NTM: variants seen among roughly 807,000 people sequenced by gnomAD.
NTM encodes the protein IgLON family member 2.
NTM carries 13 observed loss-of-function variants against 42.1 expected under a neutral mutation model. That is an observed-to-expected ratio of 0.31 (90% CI 0.20 to 0.49). The LOEUF (loss-of-function observed/expected upper bound fraction) is 0.49. Among genes scored for constraint, NTM ranks in the 20% least tolerant of loss-of-function variants. The pLI is 0.99. For synonymous variants in NTM, 187 were observed against 179.2 expected (o/e 1.04, Z -0.35); for missense variants, 373 against 452.8 (o/e 0.82, Z 1.60).
intron 1 of NTM, among the ~76,000 whole-genome samples, chr11:131,673,301 A>C (rs2134674554): frequency 6.6e-6 from 1 of 152,254 alleles, no homozygotes; most frequent in East Asian, 1.9e-4. Context: ...GAGGTTGACC[A>C]GTCCATTTCC....
chr11:131,838,099 T>C (rs57622769), intron 1 of NTM, among the ~76,000 whole-genome samples: 4 of 152,196 alleles, frequency 2.6e-5, no homozygotes, highest in East Asian at 1.9e-4. Flanking sequence ...CAAACAGAGA[T>C]TGGATTTTTT....
intron 1 of NTM, among the ~76,000 whole-genome samples, chr11:131,825,055 G>T (rs1277127354): frequency 6.6e-6 from 1 of 152,148 alleles, no homozygotes; most frequent in Non-Finnish European, 1.5e-5. Context: ...CACAGTGTTG[G>T]CAGGGTGGTT....
At chr11:132,241,459 C>A (rs1206098543) in intron 4 of NTM, among the ~76,000 whole-genome samples, 1 of 152,126 alleles carries the variant, frequency 6.6e-6, no homozygotes, top group Non-Finnish European at 1.5e-5. Context: ...TCATCCCCCC[C>A]AGCAATACAA....
chr11:132,048,027 T>C (rs990544868), intron 2 of NTM, among the ~76,000 whole-genome samples: 1 of 152,086 alleles, frequency 6.6e-6, no homozygotes, highest in African/African-American at 2.4e-5. Context: ...TAGCTGAGTA[T>C]GTCTGCGTGT....
chr11:131,511,020 CCT>C (rs1452498284), intron 1 of NTM, among the ~76,000 whole-genome samples: 1 of 152,044 alleles, frequency 6.6e-6, no homozygotes, highest in Non-Finnish European at 1.5e-5. Flanking sequence ...AGGAAGTCAC[CCT>C]CTCGGGAACT....
intron 7 of NTM, among the ~76,000 whole-genome samples, chr11:132,323,259 T>C (rs1462317534): frequency 2.7e-5 from 4 of 150,652 alleles, no homozygotes; most frequent in African/African-American, 9.8e-5. Context: ...TTTGAAAGGA[T>C]CAACAAAATT....
chr11:131,849,723 G>A (rs1266035485), intron 1 of NTM, among the ~76,000 whole-genome samples: 2 of 150,428 alleles, frequency 1.3e-5, no homozygotes, highest in African/African-American at 4.9e-5. Context: ...ACATTTCAGA[G>A]CCCTTTATGG....
intron 1 of NTM, among the ~76,000 whole-genome samples, chr11:131,484,973 C>A (rs1390134028): frequency 6.6e-6 from 1 of 152,188 alleles, no homozygotes; most frequent in Non-Finnish European, 1.5e-5. Context: ...AGATTTTATA[C>A]TTGAAAAATG....
At chr11:132,281,425 C>T (rs950932353) in intron 4 of NTM, among the ~76,000 whole-genome samples, 7 of 152,182 alleles carry the variant, frequency 4.6e-5, no homozygotes, top group African/African-American at 1.7e-4. Flanking sequence ...TCAATATATA[C>T]AAGTATATGC....
intron 1 of NTM, among the ~76,000 whole-genome samples, chr11:131,703,838 C>A (rs2076309973): frequency 1.3e-5 from 2 of 152,122 alleles, no homozygotes; most frequent in South Asian, 4.1e-4. Flanking sequence ...GACCCAACAC[C>A]AGGACAGCTC....
At chr11:131,526,999 A>G (rs187357439) in intron 1 of NTM, among the ~76,000 whole-genome samples, 3 of 152,296 alleles carry the variant, frequency 2.0e-5, no homozygotes, top group Admixed American at 2.0e-4. Context: ...TGCAGCCAGG[A>G]GCAGTTTAGT....
In NTM at chr11:131,861,533, G is replaced by A. The variant is rs186246967; in HGVS notation, c.83-50031G>A. 1.6e-3 allele frequency among the ~76,000 whole-genome samples: 250 copies of A among 152,170 alleles called. 1 individual carries two copies. The highest frequency in any genetic ancestry group is 5.8e-3 in the African/African-American group (240 of 41,516). On this transcript the variant is annotated intron_variant, in intron 1 of 8. Transcript: ENST00000683400. ...GGAAAAACAACTTGATAGATTTTCC[G>A]ATAACCTTCTAGAAAGTCTCACCGG...
chr11:131,805,852 A>C (rs10791170), intron 1 of NTM, among the ~76,000 whole-genome samples: 104,431 of 152,044 alleles, frequency 0.69, 36,942 homozygotes, highest in East Asian at 0.8. Context: ...CGGAGCAAAC[A>C]GATTTAGAAA....
chr11:131,509,381 G>C (rs384886), intron 1 of NTM, among the ~76,000 whole-genome samples: 44,649 of 152,046 alleles, frequency 0.29, 7,062 homozygotes, highest in African/African-American at 0.41. Flanking sequence ...CACTGGTTTT[G>C]CATTTCTTTT....
intron 1 of NTM, among the ~76,000 whole-genome samples, chr11:131,493,732 C>T (rs973044751): frequency 2.0e-5 from 3 of 152,196 alleles, no homozygotes; most frequent in African/African-American, 4.8e-5. Flanking sequence ...CAGTTAAACA[C>T]AGGTATAGAA....
intron 2 of NTM, among the ~76,000 whole-genome samples, chr11:132,025,655 G>A (rs2075064607): frequency 6.6e-6 from 1 of 152,130 alleles, no homozygotes. Context: ...GGGGAGCTTT[G>A]GAATGTTCTG....
chr11:132,229,071 C>T (rs927644688), intron 4 of NTM, among the ~76,000 whole-genome samples: 2 of 152,304 alleles, frequency 1.3e-5, no homozygotes, highest in African/African-American at 4.8e-5. Context: ...AAACGAATAA[C>T]TGAAAGAGGG....
At chr11:131,590,968 C>T (rs904045811) in intron 1 of NTM, among the ~76,000 whole-genome samples, 1 of 152,184 alleles carries the variant, frequency 6.6e-6, no homozygotes, top group Non-Finnish European at 1.5e-5. Context: ...GGAGACAGGA[C>T]TGCACTCCCA....
chr11:131,689,330 T>C (rs1470258489), intron 1 of NTM, among the ~76,000 whole-genome samples: 1 of 152,182 alleles, frequency 6.6e-6, no homozygotes, highest in Non-Finnish European at 1.5e-5. Flanking sequence ...CCTCAGAAGC[T>C]AGCCATGGTA....
Sources: allele counts gnomAD v4.1 joint callset (sites outside exome capture counted in the v4.1 genomes callset), GRCh38; gene constraint gnomAD v4.1.1; transcripts MANE v1.5; gene names NCBI Gene and HGNC (gene_info 2026-07-23, HGNC 2026-07-21).